The following FAM171A1 variants were observed in gnomAD, a reference collection of about 807,000 sequenced individuals.
FAM171A1 encodes family with sequence similarity 171 member A1.
In FAM171A1, 23 loss-of-function variants were observed where a neutral mutation model predicts 74.9. The observed-to-expected ratio is 0.31, with a 90% confidence interval of 0.22 to 0.44. FAM171A1 has a LOEUF of 0.44. FAM171A1 is among the 20% of genes least tolerant of loss of function. The pLI is 1.00. For missense variants in FAM171A1, 1,162 were observed against 1,159.2 expected, an observed-to-expected ratio of 1.00 and a Z score of -0.03; for synonymous variants, 527 against 505.7, an observed-to-expected ratio of 1.04 and a Z score of -0.57.
intron 1 of FAM171A1, among the ~76,000 whole-genome samples, chr10:15,327,178 C>T (rs1337761017): frequency 2.0e-5 from 3 of 152,146 alleles, no homozygotes; most frequent in Non-Finnish European, 4.4e-5. Flanking sequence ...GGGTTCAAAT[C>T]CAATCCCAGC....
intron 3 of FAM171A1, among the ~76,000 whole-genome samples, chr10:15,270,826 G>C (rs577495177): frequency 3.3e-5 from 5 of 152,180 alleles, no homozygotes; most frequent in Non-Finnish European, 7.3e-5. Context: ...CTGACTGTTA[G>C]AAGGAAAACT....
intron 1 of FAM171A1, among the ~76,000 whole-genome samples, chr10:15,359,163 G>A (rs1588570971): frequency 6.6e-6 from 1 of 152,214 alleles, no homozygotes; most frequent in East Asian, 1.9e-4. Flanking sequence ...GAATGAAGCT[G>A]AGAGTGCCTG....
intron 1 of FAM171A1, among the ~76,000 whole-genome samples, chr10:15,364,014 A>G (rs1486865231): frequency 8.3e-6 from 1 of 120,118 alleles, no homozygotes; most frequent in East Asian, 2.8e-4. Flanking sequence ...AGCCCTGGGG[A>G]GGACAACTGG....
intron 5 of FAM171A1, among the ~76,000 whole-genome samples, chr10:15,223,495 G>A (rs1181567925): frequency 6.6e-6 from 1 of 152,234 alleles, no homozygotes; most frequent in Non-Finnish European, 1.5e-5. Context: ...TGGAAGCAGA[G>A]TAAGTCCTGC....
intron 1 of FAM171A1, among the ~76,000 whole-genome samples, chr10:15,334,517 C>T (rs7897087): frequency 0.31 from 46,923 of 152,152 alleles, 9,076 homozygotes; most frequent in East Asian, 0.65. Context: ...AGAACATTCA[C>T]GCTATATTGA....
intron 1 of FAM171A1, among the ~76,000 whole-genome samples, chr10:15,310,589 T>A (rs1835348546): frequency 6.6e-6 from 1 of 152,096 alleles, no homozygotes; most frequent in African/African-American, 2.4e-5. Context: ...GGGCTGGGCA[T>A]GGTGGCTCAC....
At chr10:15,242,633 T>C (rs1468659767) in intron 5 of FAM171A1, among the ~76,000 whole-genome samples, 2 of 152,054 alleles carry the variant, frequency 1.3e-5, no homozygotes, top group African/African-American at 2.4e-5. Flanking sequence ...AAATAAACAA[T>C]AAAACAAATT....
At chr10:15,218,129 G>C (rs755284514) in intron 6 of FAM171A1, among the ~76,000 whole-genome samples, 26 of 151,850 alleles carry the variant, frequency 1.7e-4, no homozygotes, top group Non-Finnish European at 3.7e-4. Context: ...ATTCAGGCTG[G>C]AGTGCAGTGG....
chr10:15,337,686 C>T lies in FAM171A1; in HGVS notation c.97+33270G>A, dbSNP rs1168225496. Among the ~76,000 whole-genome samples, 6 of 152,222 alleles carry T rather than the reference C, an allele frequency of 3.9e-5. No individual in the cohort carries two copies. In the East Asian group the frequency reaches 9.7e-4, roughly 25 times the overall value. The stretch of plus-strand genomic sequence containing the variant: ...CAGTAGGGGTTGGCGCGGTGGCTTA[C>T]GCCTGCAATCCCAGCACTTTGAGAG... On this transcript the variant is annotated intron_variant, in intron 1 of 7. Transcript: ENST00000378116.
chr10:15,228,296 G>A (rs1178141462), intron 5 of FAM171A1, among the ~76,000 whole-genome samples: 3 of 149,888 alleles, frequency 2.0e-5, no homozygotes, highest in Non-Finnish European at 4.4e-5. Flanking sequence ...ATCTCTTTTT[G>A]AGAAAGAGAT....
intron 2 of FAM171A1, among the ~76,000 whole-genome samples, chr10:15,276,563 C>T (rs1343965524): frequency 6.6e-6 from 1 of 152,180 alleles, no homozygotes; most frequent in East Asian, 1.9e-4. Context: ...ATGTAGAATA[C>T]ATAATGTTAG....
chr10:15,284,134 C>G (rs767932681), intron 1 of FAM171A1, 29 bp from the exon 2 acceptor site: 1 of 1,599,482 alleles, frequency 6.3e-7, no homozygotes, highest in Non-Finnish European at 8.5e-7. Context: ...CAAAGAACAG[C>G]TACTGTCAAT....
chr10:15,373,861 A>C (rs1211970750), upstream of FAM171A1, among the ~76,000 whole-genome samples: 1 of 152,210 alleles, frequency 6.6e-6, no homozygotes, highest in Non-Finnish European at 1.5e-5. Context: ...TAATAAACTG[A>C]ATCAAGTTGG....
intron 5 of FAM171A1, among the ~76,000 whole-genome samples, chr10:15,240,346 G>A (rs1378946082): frequency 1.4e-5 from 2 of 146,320 alleles, no homozygotes; most frequent in African/African-American, 2.4e-5. Context: ...GGGTGACAGA[G>A]CGAGACACCA....
chr10:15,364,266 T>C (rs904747964), intron 1 of FAM171A1, among the ~76,000 whole-genome samples: 5 of 152,132 alleles, frequency 3.3e-5, no homozygotes, highest in Non-Finnish European at 7.4e-5. Flanking sequence ...ATCCCAGCTC[T>C]GGAAGGAACA....
At chr10:15,266,058 C>T (rs1383649527) in intron 3 of FAM171A1, among the ~76,000 whole-genome samples, 1 of 152,184 alleles carries the variant, frequency 6.6e-6, no homozygotes, top group Non-Finnish European at 1.5e-5. Context: ...CCCTGTAACA[C>T]TGGGCCATGA....
intron 3 of FAM171A1, among the ~76,000 whole-genome samples, chr10:15,268,968 G>C (rs564049149): frequency 9.9e-5 from 15 of 152,276 alleles, no homozygotes; most frequent in Admixed American, 8.5e-4. Context: ...CTTGGACCTG[G>C]GAGGCGGATA....
At chr10:15,359,799 G>A (rs568015448) in intron 1 of FAM171A1, among the ~76,000 whole-genome samples, 12 of 152,278 alleles carry the variant, frequency 7.9e-5, no homozygotes, top group African/African-American at 2.9e-4. Flanking sequence ...CAATGGAAGG[G>A]GCAAGGTGAC....
chr10:15,263,431 A>G (rs541982638), intron 3 of FAM171A1, among the ~76,000 whole-genome samples: 8 of 152,364 alleles, frequency 5.3e-5, no homozygotes, highest in African/African-American at 1.9e-4. Flanking sequence ...CAAGAAAATG[A>G]TTCGTATAAT....
Sources: allele counts gnomAD v4.1 joint callset (sites outside exome capture counted in the v4.1 genomes callset), GRCh38; gene constraint gnomAD v4.1.1; transcripts MANE v1.5; gene names NCBI Gene and HGNC (gene_info 2026-07-23, HGNC 2026-07-21).